The following SCFD2 variants were observed in gnomAD, a reference collection of about 807,000 sequenced individuals.
SCFD2 encodes sec1 family domain-containing protein 2.
SCFD2 carries 54 observed loss-of-function variants against 58.9 expected under a neutral mutation model. The observed-to-expected ratio is 0.92, with a 90% CI of 0.74 to 1.15. The LOEUF (loss-of-function observed/expected upper bound fraction) is 1.15, where lower values mean the gene tolerates loss of function less well. Ranked by LOEUF, SCFD2 falls within the 50% of genes most tolerant of loss-of-function variation. The pLI, the probability that SCFD2 is intolerant of heterozygous loss-of-function variation, is 0.00. For missense variants in SCFD2, 805 were observed against 836.6 expected (o/e 0.96, Z 0.47); for synonymous variants, 321 against 335.9 (o/e 0.96, Z 0.49).
intron 5 of SCFD2, among the ~76,000 whole-genome samples, chr4:52,944,756 G>C (rs1185942068): frequency 6.6e-6 from 1 of 152,190 alleles, no homozygotes; most frequent in Non-Finnish European, 1.5e-5. Context: ...TGCTTGATCA[G>C]AGACATCCCT....
intron 4 of SCFD2, among the ~76,000 whole-genome samples, chr4:53,258,577 T>TATATATATATATATATATATATATATAC (rs757658747): frequency 8.2e-6 from 1 of 121,364 alleles, no homozygotes; most frequent in Non-Finnish European, 1.7e-5. Flanking sequence ...TATATATATA[T>TATATATATATATATATATATATATATAC]ACACACACAT....
intron 8 of SCFD2, among the ~76,000 whole-genome samples, chr4:52,875,855 T>TATAG (rs1718460680): frequency 1.0e-5 from 1 of 95,810 alleles, no homozygotes; most frequent in African/African-American, 3.9e-5. Context: ...TATATATATA[T>TATAG]AGTTAATGTC....
chr4:52,972,326 A>C (rs1721125979), intron 5 of SCFD2, among the ~76,000 whole-genome samples: 1 of 152,168 alleles, frequency 6.6e-6, no homozygotes, highest in African/African-American at 2.4e-5. Context: ...AGGAAGATCT[A>C]CCAAGCAAAT....
intron 5 of SCFD2, among the ~76,000 whole-genome samples, chr4:53,101,282 G>C (rs1724825987): frequency 6.6e-6 from 1 of 151,956 alleles, no homozygotes; most frequent in South Asian, 2.1e-4. Context: ...AGGAGATTGG[G>C]GCTTCTCTCT....
At chr4:53,328,144 C>A (rs6856374) in intron 2 of SCFD2, among the ~76,000 whole-genome samples, 3,134 of 149,312 alleles carry the variant, frequency 0.021, 107 homozygotes, top group African/African-American at 0.072. Context: ...CAAAAAAAAA[C>A]AAAAAAAAAA....
intron 5 of SCFD2, among the ~76,000 whole-genome samples, chr4:52,929,507 G>T (rs1200973022): frequency 4.6e-5 from 7 of 152,184 alleles, no homozygotes; most frequent in African/African-American, 1.4e-4. Flanking sequence ...ACATTCAGGA[G>T]AGAATGTGAC....
intron 4 of SCFD2, among the ~76,000 whole-genome samples, chr4:53,227,427 G>A (rs1729254159): frequency 6.6e-6 from 1 of 152,158 alleles, no homozygotes; most frequent in Non-Finnish European, 1.5e-5. Context: ...ATCTATAGAA[G>A]GGTGTGCCAT....
intron 7 of SCFD2, among the ~76,000 whole-genome samples, chr4:52,902,747 G>A (rs981464375): frequency 1.3e-5 from 2 of 152,112 alleles, no homozygotes; most frequent in Non-Finnish European, 2.9e-5. Flanking sequence ...TATCATCCCC[G>A]ATCTATAGAT....
chr4:53,255,881 G>A (rs1311389006), intron 4 of SCFD2, among the ~76,000 whole-genome samples: 5 of 140,782 alleles, frequency 3.6e-5, no homozygotes, highest in South Asian at 4.5e-4. Context: ...GCGGCTGGCC[G>A]GGCAGAGGGG....
chr4:53,270,806 T>A (rs76946902), intron 4 of SCFD2, among the ~76,000 whole-genome samples: 2,559 of 152,184 alleles, frequency 0.017, 79 homozygotes, highest in African/African-American at 0.059. Flanking sequence ...AAACTGAACA[T>A]ATGGATTTAA....
chr4:52,900,844 G>C (rs1719176069), intron 7 of SCFD2, among the ~76,000 whole-genome samples: 1 of 152,194 alleles, frequency 6.6e-6, no homozygotes, highest in South Asian at 2.1e-4. Context: ...GCAATGGCGG[G>C]CACCCCTCCC....
intron 5 of SCFD2, among the ~76,000 whole-genome samples, chr4:53,133,967 A>G (rs917656558): frequency 1.3e-5 from 2 of 152,206 alleles, no homozygotes; most frequent in Non-Finnish European, 2.9e-5. Flanking sequence ...CAGAATGCCA[A>G]TATCTCTTTG....
chr4:53,028,511 C>A (rs1459384725), intron 5 of SCFD2, among the ~76,000 whole-genome samples: 2 of 152,082 alleles, frequency 1.3e-5, no homozygotes, highest in African/African-American at 4.8e-5. Flanking sequence ...GGAACTATGT[C>A]TTATTTTTTC....
At chr4:52,964,051 A>C (rs1483228) in intron 5 of SCFD2, among the ~76,000 whole-genome samples, 58,540 of 152,062 alleles carry the variant, frequency 0.38, 12,442 homozygotes, top group Admixed American at 0.54. Context: ...GATTGTATTC[A>C]ATTATTTCCA....
At chr4:53,099,792 C>A (rs1724778866) in intron 5 of SCFD2, among the ~76,000 whole-genome samples, 1 of 152,176 alleles carries the variant, frequency 6.6e-6, no homozygotes, top group African/African-American at 2.4e-5. Flanking sequence ...CCATTAGGGA[C>A]TACCTCCAAC....
chr4:52,887,239 C>T (rs984658003), intron 7 of SCFD2, among the ~76,000 whole-genome samples: 3 of 152,132 alleles, frequency 2.0e-5, no homozygotes, highest in African/African-American at 7.2e-5. Context: ...AGTACAGTAC[C>T]GACTTACAGC....
chr4:53,237,384 C>T (rs1220838935), intron 4 of SCFD2, among the ~76,000 whole-genome samples: 1 of 151,132 alleles, frequency 6.6e-6, no homozygotes, highest in Non-Finnish European at 1.5e-5. Flanking sequence ...GGTGGCCGGG[C>T]AGACGGGCTC....
At chr4:53,226,354 A>G (rs1308872597) in intron 4 of SCFD2, among the ~76,000 whole-genome samples, 1 of 152,172 alleles carries the variant, frequency 6.6e-6, no homozygotes, top group Non-Finnish European at 1.5e-5. Context: ...CAAAACCCAA[A>G]AAGACTACTA....
Position 53,033,338 on chromosome 4 carries a change from T to C in SCFD2, c.1561+111995A>G, listed in dbSNP as rs555613085. Among the ~76,000 whole-genome samples the C allele has an allele frequency of 6.6e-4, 101 of 152,098 alleles. 1 individual carries two copies. The Middle Eastern group carries it at 0.01, about 15-fold the overall frequency. Reference sequence around the variant, plus strand: ...AAAGCAATGTGTAGAGGGAAATGTATAGCACCAAATGCCCACAAGAGAAAG... The same window carrying C: ...AAAGCAATGTGTAGAGGGAAATGTACAGCACCAAATGCCCACAAGAGAAAG... On this transcript the variant is annotated intron_variant, in intron 5 of 8. Transcript: ENST00000401642.
Sources: allele counts gnomAD v4.1 joint callset (sites outside exome capture counted in the v4.1 genomes callset), GRCh38; gene constraint gnomAD v4.1.1; transcripts MANE v1.5; gene names NCBI Gene and HGNC (gene_info 2026-07-23, HGNC 2026-07-21).